LRP2: variants seen among roughly 807,000 people sequenced by gnomAD.
LRP2 encodes the protein LDL receptor related protein 2.
Under a neutral mutation model 531.0 loss-of-function variants are expected in LRP2, and 172 were observed. That is an observed-to-expected ratio of 0.32 (90% CI 0.29 to 0.37). LRP2 has a LOEUF of 0.37. Ranked by LOEUF, LRP2 falls within the 10% of genes least tolerant of loss-of-function variation. The probability of loss-of-function intolerance (pLI) is 1.00; values close to 1 mark genes in which losing one functional copy is unlikely to be tolerated. For synonymous variants in LRP2, 1,992 were observed against 2,027.6 expected (o/e 0.98, Z 0.47); for missense variants, 5,167 against 5,868.3 (o/e 0.88, Z 3.90).
chr2:169,290,673 C>T (rs937863494), intron 8 of LRP2, among the ~76,000 whole-genome samples, 172 bp downstream of exon 8: 1 of 152,166 alleles, frequency 6.6e-6, no homozygotes, highest in Non-Finnish European at 1.5e-5. Flanking sequence ...AGAGGAACTA[C>T]CTAGCCAACC....
Position 169,128,366 on chromosome 2 carries a change from T to C in LRP2, c.*297A>G, listed in dbSNP as rs192934188. On this transcript the variant is annotated 3_prime_UTR_variant, in exon 79 of 79. Coordinates refer to ENST00000649046, the MANE Select transcript of LRP2 (RefSeq NM_004525.3). ...CCAACCAAATCAGCAGACATCTTTA[T>C]TAGCAAATTCAGTAACAGGATAATC... 5.5e-4 allele frequency: 147 copies of C among 268,956 alleles called. No homozygotes were observed. In the East Asian group the frequency reaches 5.9e-3, roughly 11 times the overall value. The allele number at this position is 268,956 out of a possible 1,614,324, so 16.7% of individuals were successfully genotyped here.
intron 61 of LRP2, among the ~76,000 whole-genome samples, chr2:169,167,001 A>G (rs1413082674): frequency 6.6e-6 from 1 of 152,204 alleles, no homozygotes; most frequent in Admixed American, 6.5e-5. Context: ...AAGTATTGTT[A>G]ATAGAACTAT....
intron 1 of LRP2, among the ~76,000 whole-genome samples, chr2:169,344,639 C>G (rs996675384): frequency 4.6e-5 from 7 of 152,118 alleles, no homozygotes; most frequent in Non-Finnish European, 1.0e-4. Context: ...GAGCCAAACC[C>G]TGTTTCATTT....
In LRP2 at chr2:169,244,701, T is replaced by C. The variant is rs1376086181; in HGVS notation, c.3422A>G (p.Lys1141Arg). Reference sequence around the variant, plus strand: ...ACCAGCTCAAAACTTACTGCAGTTCTTTTCATCAGATCCATCCCCACAATC... The same window carrying C: ...ACCAGCTCAAAACTTACTGCAGTTCCTTTCATCAGATCCATCCCCACAATC... ...DNDCGDGSDE[K>R]NCNSTETCQP... The change falls in exon 22 of 79, where the codon AAG (lysine) becomes AGG (arginine). Residue 1141 changes from lysine (K) to arginine (R), a missense_variant. Transcript: ENST00000649046. 1.9e-6 allele frequency: 3 copies of C among 1,614,134 alleles called. No homozygotes were observed. The highest frequency in any genetic ancestry group is 2.5e-6 in the Non-Finnish European group (3 of 1,180,048).
intron 21 of LRP2, 111 bp downstream of exon 21, chr2:169,246,594 T>C: frequency 1.5e-6 from 2 of 1,301,214 alleles, no homozygotes; most frequent in Non-Finnish European, 1.1e-6. Flanking sequence ...GAATCTGAAA[T>C]TCTAAAAGAT....
At chr2:169,308,997 G>C (rs1684509956) in intron 3 of LRP2, among the ~76,000 whole-genome samples, 1 of 152,114 alleles carries the variant, frequency 6.6e-6, no homozygotes, top group African/African-American at 2.4e-5. Flanking sequence ...TTTTTCATGT[G>C]TCTGTTGGCT....
At chr2:169,229,863 T>G (rs1310401307) in intron 31 of LRP2, among the ~76,000 whole-genome samples, 5 of 152,212 alleles carry the variant, frequency 3.3e-5, no homozygotes, top group Non-Finnish European at 7.3e-5. Context: ...TAGTAAACAC[T>G]AGTTGAAAAG....
At chr2:169,258,017 T>C (rs906525804) in intron 17 of LRP2, among the ~76,000 whole-genome samples, 3 of 152,106 alleles carry the variant, frequency 2.0e-5, no homozygotes, top group African/African-American at 4.8e-5. Context: ...GGCCAAAAGT[T>C]TGAGTTAAGA....
intron 56 of LRP2, 113 bp downstream of exon 56, chr2:169,173,806 G>A (rs914480278): frequency 2.1e-6 from 3 of 1,447,100 alleles, no homozygotes; most frequent in Non-Finnish European, 2.9e-6. Context: ...AGTGCCAAGG[G>A]GGAGCATCCC....
intron 67 of LRP2, 34 bp downstream of exon 67, chr2:169,152,763 CAG>C: frequency 1.2e-6 from 2 of 1,613,116 alleles, no homozygotes; most frequent in Non-Finnish European, 8.5e-7. Flanking sequence ...ACCAGGAAAA[CAG>C]AACAGGTAAG....
chr2:169,184,188 G>C (rs1687542789), intron 50 of LRP2, among the ~76,000 whole-genome samples: 1 of 152,146 alleles, frequency 6.6e-6, no homozygotes, highest in Admixed American at 6.5e-5. Context: ...GTGGAACAAA[G>C]GATGGTGACA....
chr2:169,308,793 G>A (rs1418369836), intron 3 of LRP2, among the ~76,000 whole-genome samples: 3 of 152,236 alleles, frequency 2.0e-5, no homozygotes, highest in Non-Finnish European at 2.9e-5. Flanking sequence ...TTGAGGAATC[G>A]CCACACTGTC....
intron 1 of LRP2, among the ~76,000 whole-genome samples, chr2:169,355,022 G>A (rs1247231069): frequency 1.3e-5 from 2 of 152,186 alleles, no homozygotes; most frequent in Non-Finnish European, 1.5e-5. Context: ...AAGATTCACA[G>A]AAAAATGAAA....
At chr2:169,181,694 T>C (rs1687438973) in intron 51 of LRP2, 76 bp from the exon 52 acceptor site, 1 of 1,308,136 alleles carries the variant, frequency 7.6e-7, no homozygotes, top group Non-Finnish European at 1.1e-6. Context: ...CTTTTCTCCA[T>C]TTAGAGAAAT....
At chr2:169,288,168 A>T (rs565247614) in intron 9 of LRP2, among the ~76,000 whole-genome samples, 2 of 152,154 alleles carry the variant, frequency 1.3e-5, no homozygotes, top group Non-Finnish European at 2.9e-5. Flanking sequence ...TTTGTTGTTC[A>T]TGTATCAAAA....
rs1272596044 is a variant in LRP2 at position 169,185,611 on chromosome 2, G to T, written c.9737C>A (p.Thr3246Lys). 5 of 1,614,078 alleles carry T rather than the reference G, an allele frequency of 3.1e-6. No individual in the cohort carries two copies. The highest frequency in any genetic ancestry group is 4.2e-6 in the Non-Finnish European group (5 of 1,179,996). ...CATTCTCTCAATGACTTGCCTCTGT[G>T]TATCAATCCAATACAATCTCTTCTC... ...RVEKRLYWID[T>K]QRQVIERMFL... is the part of the protein sequence containing the mutation. The change falls in exon 50 of 79, where the codon ACA (threonine) becomes AAA (lysine). Residue 3246 changes from threonine to lysine, a missense_variant. Thr to Lys is a moderately conservative substitution (Grantham distance 78). Coordinates refer to ENST00000649046, the MANE Select transcript of LRP2 (RefSeq NM_004525.3).
At chr2:169,168,343 T>C (rs965208014) in intron 61 of LRP2, among the ~76,000 whole-genome samples, 196 bp downstream of exon 61, 3 of 152,088 alleles carry the variant, frequency 2.0e-5, no homozygotes, top group African/African-American at 7.2e-5. Flanking sequence ...TTTAAAAACA[T>C]GGAGGTTTTC....
intron 66 of LRP2, 84 bp downstream of exon 66, chr2:169,154,376 A>G: frequency 7.7e-7 from 1 of 1,304,442 alleles, no homozygotes; most frequent in East Asian, 2.3e-5. Flanking sequence ...TCACTCATTA[A>G]ACAATAAATT....
chr2:169,348,412 A>G (rs1358564273), intron 1 of LRP2, among the ~76,000 whole-genome samples: 2 of 152,052 alleles, frequency 1.3e-5, no homozygotes, highest in Non-Finnish European at 2.9e-5. Context: ...TCCTTCATTC[A>G]TCAGGAACAA....
Sources: gnomAD v4.1 joint callset for allele counts (sites outside exome capture counted in the v4.1 genomes callset) on GRCh38, gnomAD v4.1.1 for gene constraint, MANE v1.5 for transcripts, NCBI Gene and HGNC (gene_info 2026-07-23, HGNC 2026-07-21) for gene names.